The following MACROD2 variants were observed in gnomAD, a reference collection of about 807,000 sequenced individuals.
The protein encoded by MACROD2 is mono-ADP ribosylhydrolase 2, also known as ADP-ribose glycohydrolase MACROD2.
MACROD2 carries 36 observed loss-of-function variants against 70.4 expected under a neutral mutation model. The observed-to-expected ratio is 0.51, with a 90% CI of 0.39 to 0.68. MACROD2 has a LOEUF of 0.68. MACROD2 is among the 30% of genes least tolerant of loss of function. The pLI is 0.00. For synonymous variants in MACROD2, 172 were observed against 178.8 expected, an observed-to-expected ratio of 0.96 and a Z score of 0.30; for missense variants, 496 against 538.4, an observed-to-expected ratio of 0.92 and a Z score of 0.78.
At chr20:15,977,901 G>C (rs953541208) in intron 13 of MACROD2, among the ~76,000 whole-genome samples, 3 of 152,206 alleles carry the variant, frequency 2.0e-5, no homozygotes, top group African/African-American at 7.2e-5. Flanking sequence ...TAGTCAGGTA[G>C]AGCTGGTTAT....
chr20:15,568,606 A>C (rs1395146553), intron 8 of MACROD2, among the ~76,000 whole-genome samples: 1 of 152,076 alleles, frequency 6.6e-6, no homozygotes, highest in African/African-American at 2.4e-5. Context: ...GATGCATATT[A>C]CTCATGCTTA....
intron 3 of MACROD2, among the ~76,000 whole-genome samples, chr20:14,443,567 G>A (rs910392933): frequency 8.5e-4 from 129 of 152,200 alleles, no homozygotes; most frequent in Non-Finnish European, 2.9e-4. Flanking sequence ...AAAGTGCTGG[G>A]ATTACAGGCA....
chr20:15,902,295 T>C (rs2065075581), intron 10 of MACROD2, among the ~76,000 whole-genome samples: 1 of 151,890 alleles, frequency 6.6e-6, no homozygotes, highest in Non-Finnish European at 1.5e-5. Context: ...TAATATATAA[T>C]ATATGTATTA....
intron 5 of MACROD2, among the ~76,000 whole-genome samples, chr20:14,845,874 A>AT (rs2073134916): frequency 1.3e-5 from 2 of 152,048 alleles, no homozygotes; most frequent in South Asian, 4.1e-4. Context: ...CCCAAACGGC[A>AT]TTTTTTAGGA....
chr20:15,305,392 A>C (rs571965182), intron 6 of MACROD2, among the ~76,000 whole-genome samples: 1 of 152,328 alleles, frequency 6.6e-6, no homozygotes, highest in East Asian at 1.9e-4. Context: ...TTATATTATG[A>C]AATCTCATAA....
intron 8 of MACROD2, among the ~76,000 whole-genome samples, chr20:15,690,876 T>C (rs1205999414): frequency 6.6e-6 from 1 of 152,244 alleles, no homozygotes; most frequent in Non-Finnish European, 1.5e-5. Flanking sequence ...TTTATATTTA[T>C]TATGTCATTT....
rs192434711 is a variant in MACROD2 at position 15,094,195 on chromosome 20, C to T, written c.419-135745C>T. Among the ~76,000 whole-genome samples the T allele has an allele frequency of 1.4e-4, 22 of 152,214 alleles. No homozygotes were observed. In the East Asian group the frequency reaches 4.2e-3, roughly 29 times the overall value. On this transcript the variant is annotated intron_variant, in intron 5 of 17. Transcript: ENST00000684519. ...GTTGGCTTTGATTCCTCTTATTTGC[C>T]TTCTATGTCCAAATAACTTTAATGA...
intron 5 of MACROD2, among the ~76,000 whole-genome samples, chr20:14,710,601 G>T (rs951562065): frequency 1.3e-5 from 2 of 152,050 alleles, no homozygotes; most frequent in African/African-American, 2.4e-5. Context: ...CTCCCTTTGG[G>T]GAAAATTTAA....
intron 8 of MACROD2, among the ~76,000 whole-genome samples, chr20:15,779,913 G>C (rs1426326235): frequency 6.6e-6 from 1 of 152,006 alleles, no homozygotes; most frequent in Non-Finnish European, 1.5e-5. Context: ...ATGTTCTGCT[G>C]TGCCATTCTT....
chr20:15,648,496 A>G (rs1395305608), intron 8 of MACROD2, among the ~76,000 whole-genome samples: 1 of 152,154 alleles, frequency 6.6e-6, no homozygotes, highest in Non-Finnish European at 1.5e-5. Context: ...ATGTTATACA[A>G]TTCCTCAATA....
intron 9 of MACROD2, among the ~76,000 whole-genome samples, chr20:15,877,595 A>G (rs1039409565): frequency 1.3e-5 from 2 of 152,198 alleles, no homozygotes; most frequent in Admixed American, 1.3e-4. Flanking sequence ...ACTCTCCCTT[A>G]TCGGACATTC....
intron 3 of MACROD2, among the ~76,000 whole-genome samples, chr20:14,267,964 A>T (rs2082157524): frequency 8.8e-6 from 1 of 113,182 alleles, no homozygotes; most frequent in Non-Finnish European, 2.1e-5. Flanking sequence ...AGAGCTACCC[A>T]CAAGCACCAC....
At chr20:15,372,757 C>T (rs560326614) in intron 6 of MACROD2, among the ~76,000 whole-genome samples, 2 of 152,270 alleles carry the variant, frequency 1.3e-5, no homozygotes, top group South Asian at 2.1e-4. Flanking sequence ...CATGTCTTCA[C>T]AAATCCCTCC....
intron 4 of MACROD2, among the ~76,000 whole-genome samples, chr20:14,640,596 T>G (rs1032378976): frequency 1.3e-5 from 2 of 152,100 alleles, no homozygotes; most frequent in African/African-American, 4.8e-5. Flanking sequence ...CCCCAAATTA[T>G]CTAATACAGG....
At chr20:15,636,287 C>G (rs200775) in intron 8 of MACROD2, among the ~76,000 whole-genome samples, 28 of 151,796 alleles carry the variant, frequency 1.8e-4, no homozygotes, top group African/African-American at 6.3e-4. Context: ...CAAAAGAACA[C>G]ATTCTAGAAG....
chr20:15,812,027 G>A (rs1006927696), intron 8 of MACROD2, among the ~76,000 whole-genome samples: 1 of 152,216 alleles, frequency 6.6e-6, no homozygotes, highest in Non-Finnish European at 1.5e-5. Flanking sequence ...GCAACTGCAT[G>A]AGAAGCCTGA....
intron 8 of MACROD2, among the ~76,000 whole-genome samples, chr20:15,622,456 C>A (rs2049140907): frequency 6.6e-6 from 1 of 152,162 alleles, no homozygotes; most frequent in African/African-American, 2.4e-5. Flanking sequence ...ATACGGGTGA[C>A]TTGAACACAA....
chr20:14,014,492 G>A (rs1195143500), intron 2 of MACROD2, among the ~76,000 whole-genome samples: 2 of 152,128 alleles, frequency 1.3e-5, no homozygotes, highest in East Asian at 3.9e-4. Flanking sequence ...TCGTGCCAGG[G>A]CAATGAAAAC....
At chr20:15,881,323 G>T (rs1335772444) in intron 9 of MACROD2, among the ~76,000 whole-genome samples, 2 of 152,036 alleles carry the variant, frequency 1.3e-5, no homozygotes, top group African/African-American at 4.8e-5. Flanking sequence ...CTCCCAAAAA[G>T]CTTGGAGGCT....
Sources: gnomAD v4.1 joint callset for allele counts (sites outside exome capture counted in the v4.1 genomes callset) on GRCh38, gnomAD v4.1.1 for gene constraint, MANE v1.5 for transcripts, NCBI Gene and HGNC (gene_info 2026-07-23, HGNC 2026-07-21) for gene names.